INTS15: variants seen among roughly 807,000 people sequenced by gnomAD.
INTS15 encodes uncharacterized protein C7orf26.
the INTS15 span, chr7:6,590,531 T>C: frequency 4.0e-6 from 6 of 1,484,282 alleles, no homozygotes; most frequent in Non-Finnish European, 5.4e-6. Flanking sequence ...GCGGGCCTTT[T>C]CCCCAGCGAT....
the INTS15 span, chr7:6,600,009 A>G: frequency 6.2e-7 from 1 of 1,614,182 alleles, no homozygotes; most frequent in Non-Finnish European, 8.5e-7. Flanking sequence ...CCCCTGGCTT[A>G]TAAAAGGAAA....
At chr7:6,607,460 C>A in the INTS15 span, 1 of 1,142,240 alleles carries the variant, frequency 8.8e-7, no homozygotes, top group Non-Finnish European at 1.2e-6. This position sits in a 1 kb window ranked among gnomAD's most constrained non-coding sequence, Gnocchi z 6.0. Flanking sequence ...GTGGGTGGGT[C>A]CCGGAGGTCT....
chr7:6,597,402 C>T, the INTS15 span, among the ~76,000 whole-genome samples: 2 of 151,862 alleles, frequency 1.3e-5, no homozygotes, highest in African/African-American at 4.8e-5. Context: ...TTAAGCGAGT[C>T]TCCTGCTTCA....
the INTS15 span, chr7:6,590,209 C>G: frequency 7.7e-6 from 10 of 1,305,028 alleles, no homozygotes; most frequent in Non-Finnish European, 9.9e-6. Flanking sequence ...TCTTTGTTTC[C>G]ACGGGTAGCG....
At chr7:6,599,847 T>G in the INTS15 span, 1 of 1,613,898 alleles carries the variant, frequency 6.2e-7, no homozygotes, top group Non-Finnish European at 8.5e-7. Flanking sequence ...ATTCCACCTA[T>G]GGACTTGCTT....
the INTS15 span, among the ~76,000 whole-genome samples, chr7:6,607,098 TGAGCC>T: frequency 6.7e-6 from 1 of 150,192 alleles, no homozygotes; most frequent in African/African-American, 2.5e-5. The surrounding 1 kb of genome is among the most constrained non-coding windows in gnomAD (Gnocchi z 6.0). Flanking sequence ...CTGGGGGTGA[TGAGCC>T]AAGCCAGGGA....
At chr7:6,602,959 C>T in the INTS15 span, among the ~76,000 whole-genome samples, 10 of 152,216 alleles carry the variant, frequency 6.6e-5, no homozygotes, top group African/African-American at 1.9e-4. Context: ...TGAGTGAAAA[C>T]AGGCCAGGGC....
chr7:6,592,428 G>C, the INTS15 span, among the ~76,000 whole-genome samples: 1 of 150,990 alleles, frequency 6.6e-6, no homozygotes, highest in Non-Finnish European at 1.5e-5. Context: ...TTAGCCAGGC[G>C]TGGTAGCACG....
At chr7:6,602,609 A>AT in the INTS15 span, 1 of 459,350 alleles carries the variant, frequency 2.2e-6, no homozygotes, top group Non-Finnish European at 4.6e-6. Context: ...ACCTGTCTCT[A>AT]TGCCTCAGCT....
chr7:6,600,677 C>T, the INTS15 span, among the ~76,000 whole-genome samples: 2 of 152,130 alleles, frequency 1.3e-5, no homozygotes, highest in East Asian at 1.9e-4. Context: ...TTATTTATTG[C>T]GACGGAGTCT....
At chr7:6,607,911 C>T in the INTS15 span, 2 of 1,591,616 alleles carry the variant, frequency 1.3e-6, no homozygotes, top group Non-Finnish European at 1.7e-6. This position sits in a 1 kb window ranked among gnomAD's most constrained non-coding sequence, Gnocchi z 6.0. Flanking sequence ...TGCGCACCTG[C>T]GGAGTCCCCG....
At chr7:6,595,937 C>T in the INTS15 span, among the ~76,000 whole-genome samples, 3 of 152,190 alleles carry the variant, frequency 2.0e-5, no homozygotes, top group African/African-American at 7.2e-5. Flanking sequence ...TAGTCTCTTT[C>T]TCTTCCTGGT....
the INTS15 span, among the ~76,000 whole-genome samples, chr7:6,606,002 C>T: frequency 6.6e-6 from 1 of 151,722 alleles, no homozygotes; most frequent in Non-Finnish European, 1.5e-5. Flanking sequence ...CCTGGCCTAC[C>T]TCTTAGATTT....
chr7:6,608,435 G>A, the INTS15 span: 3 of 1,331,958 alleles, frequency 2.3e-6, no homozygotes, highest in African/African-American at 4.6e-5. Flanking sequence ...TGTTCTCTGC[G>A]CATTTCAGAC....
At chr7:6,607,993 G>T in the INTS15 span, 1 of 1,600,262 alleles carries the variant, frequency 6.2e-7, no homozygotes, top group South Asian at 1.1e-5. This position sits in a 1 kb window ranked among gnomAD's most constrained non-coding sequence, Gnocchi z 6.0. Flanking sequence ...GTCCCGTGCA[G>T]CAGTCGCCTC....
At chr7:6,590,305 C>A in the INTS15 span, 1 of 1,583,634 alleles carries the variant, frequency 6.3e-7, no homozygotes, top group Non-Finnish European at 8.5e-7. Flanking sequence ...CCGCCACTCG[C>A]TGCTGCGCCG....
the INTS15 span, among the ~76,000 whole-genome samples, chr7:6,596,162 G>C: frequency 6.8e-6 from 1 of 147,440 alleles, no homozygotes; most frequent in Non-Finnish European, 1.5e-5. Flanking sequence ...AACAATTCTC[G>C]TGCCTCAGCC....
the INTS15 span, among the ~76,000 whole-genome samples, chr7:6,598,485 A>AC: frequency 3.0e-3 from 450 of 149,002 alleles, no homozygotes; most frequent in Non-Finnish European, 5.8e-3. Flanking sequence ...AAAAAAAAAA[A>AC]GGCACACAGG....
At chr7:6,598,082 A>T in the INTS15 span, among the ~76,000 whole-genome samples, 17 of 152,150 alleles carry the variant, frequency 1.1e-4, no homozygotes, top group Non-Finnish European at 1.6e-4. Context: ...GCTGGTAGAG[A>T]TGCGTCAGCT....
Sources: gnomAD v4.1 joint callset for allele counts (sites outside exome capture counted in the v4.1 genomes callset) on GRCh38, gnomAD v4.1.1 for gene constraint, Gnocchi (gnomAD v3.1) non-coding constraint, MANE v1.5 for transcripts, NCBI Gene and HGNC (gene_info 2026-07-23, HGNC 2026-07-21) for gene names.